IL1RAP: variants seen among roughly 807,000 people sequenced by gnomAD.
The protein encoded by IL1RAP is interleukin 1 receptor accessory protein, also known as interleukin-1 receptor accessory protein.
In IL1RAP, 35 loss-of-function variants were observed where a neutral mutation model predicts 60.7. The ratio of observed to expected loss-of-function variants is 0.58; its 90% CI spans 0.44 to 0.76. The LOEUF is 0.76. IL1RAP is among the 30% of genes least tolerant of loss of function. The pLI, the probability that IL1RAP is intolerant of heterozygous loss-of-function variation, is 0.00. For missense variants in IL1RAP, 572 were observed against 693.9 expected (o/e 0.82, Z 1.97); for synonymous variants, 268 against 250.9 (o/e 1.07, Z -0.64).
exon 12 of IL1RAP, chr3:190,657,608 A>G (rs965624280): frequency 4.6e-5 from 7 of 152,246 alleles, no homozygotes; most frequent in Non-Finnish European, 8.8e-5. Context: ...CATGCTCTCC[A>G]TCTAGAACTG....
chr3:190,529,837 A>C (rs1216168710), intron 1 of IL1RAP, among the ~76,000 whole-genome samples: 1 of 150,518 alleles, frequency 6.6e-6, no homozygotes, highest in Non-Finnish European at 1.5e-5. Flanking sequence ...CAGAGTGGGC[A>C]ACAGAGCGAG....
chr3:190,557,126 C>T (rs2108608583), intron 2 of IL1RAP, among the ~76,000 whole-genome samples: 1 of 152,300 alleles, frequency 6.6e-6, no homozygotes, highest in South Asian at 2.1e-4. Flanking sequence ...GAGCTAGTTA[C>T]AGATCTTCCT....
intron 9 of IL1RAP, among the ~76,000 whole-genome samples, chr3:190,638,573 T>C (rs73201852): frequency 0.14 from 20,561 of 152,152 alleles, 1,518 homozygotes; most frequent in African/African-American, 0.18. Context: ...ATTTGTTTTT[T>C]CGTGAAGTGT....
At chr3:190,573,626 A>G (rs903837531) in intron 3 of IL1RAP, among the ~76,000 whole-genome samples, 1 of 152,134 alleles carries the variant, frequency 6.6e-6, no homozygotes, top group Non-Finnish European at 1.5e-5. Context: ...CACCTTTATT[A>G]CTCTAAATAT....
chr3:190,515,000 T>C (rs1721386288), intron 1 of IL1RAP, among the ~76,000 whole-genome samples: 1 of 152,170 alleles, frequency 6.6e-6, no homozygotes, highest in African/African-American at 2.4e-5. Flanking sequence ...TTCGGCTGTT[T>C]CCTTTAAGAG....
intron 7 of IL1RAP, among the ~76,000 whole-genome samples, chr3:190,624,390 G>T (rs756108942): frequency 1.3e-5 from 2 of 152,324 alleles, no homozygotes; most frequent in Admixed American, 1.3e-4. Context: ...TGGCCTTTGT[G>T]CAAGATAGTG....
At chr3:190,609,353 G>A (rs1373139757) in intron 5 of IL1RAP, among the ~76,000 whole-genome samples, 172 bp downstream of exon 5, 1 of 152,138 alleles carries the variant, frequency 6.6e-6, no homozygotes, top group Non-Finnish European at 1.5e-5. Context: ...CATTTTAAAG[G>A]AAGTGGTGCA....
At chr3:190,647,694 G>A (rs1734111963) in intron 11 of IL1RAP, among the ~76,000 whole-genome samples, 1 of 152,202 alleles carries the variant, frequency 6.6e-6, no homozygotes, top group African/African-American at 2.4e-5. Flanking sequence ...AAAGCCCACC[G>A]AGGATGTGTT....
At chr3:190,551,556 A>G (rs1724867978) in intron 1 of IL1RAP, among the ~76,000 whole-genome samples, 1 of 152,194 alleles carries the variant, frequency 6.6e-6, no homozygotes, top group Non-Finnish European at 1.5e-5. Flanking sequence ...TATTCCAAGT[A>G]AAAGTTGGAA....
Position 190,589,135 on chromosome 3 carries a change from G to A in IL1RAP, c.65-14993G>A, listed in dbSNP as rs553532390. 5.3e-5 allele frequency among the ~76,000 whole-genome samples: 8 copies of A among 152,208 alleles called. No individual in the cohort carries two copies. In the South Asian group the frequency reaches 1.2e-3, roughly 24 times the overall value. ...CATGCAGTGGTTTTCTAAGATGCAC[G>A]GTGGATTATAGGGGACTTCAGTGTT... On this transcript the variant is annotated intron_variant, in intron 3 of 11. Coordinates refer to ENST00000447382, the MANE Select transcript of IL1RAP (RefSeq NM_002182.4).
intron 3 of IL1RAP, among the ~76,000 whole-genome samples, chr3:190,570,582 T>C (rs1272014527): frequency 6.7e-6 from 1 of 149,970 alleles, no homozygotes; most frequent in Non-Finnish European, 1.5e-5. Flanking sequence ...TATTTATTTT[T>C]TGAGACGGAG....
At chr3:190,611,953 T>C (rs1309832389) in intron 5 of IL1RAP, among the ~76,000 whole-genome samples, 2 of 152,182 alleles carry the variant, frequency 1.3e-5, no homozygotes, top group Non-Finnish European at 2.9e-5. Flanking sequence ...TAAAGCAAAT[T>C]ATGAAAAGAT....
At chr3:190,573,018 C>T (rs3926943) in intron 3 of IL1RAP, among the ~76,000 whole-genome samples, 65,845 of 83,960 alleles carry the variant, frequency 0.78, 29,302 homozygotes, top group East Asian at 0.99. Flanking sequence ...CGCCCGCCAC[C>T]ACGCCCGGCT....
chr3:190,519,487 T>G (rs1721825356), intron 1 of IL1RAP, among the ~76,000 whole-genome samples: 1 of 152,306 alleles, frequency 6.6e-6, no homozygotes, highest in South Asian at 2.1e-4. Context: ...TAGTAAAGAT[T>G]GGAACCTGCG....
chr3:190,636,404 TG>T (rs568718844), intron 9 of IL1RAP, among the ~76,000 whole-genome samples: 124 of 152,362 alleles, frequency 8.1e-4, no homozygotes, highest in African/African-American at 2.9e-3. Context: ...ATTTAATACA[TG>T]CTTATTTAGG....
chr3:190,526,071 A>G (rs1722484086), intron 1 of IL1RAP, among the ~76,000 whole-genome samples: 1 of 152,260 alleles, frequency 6.6e-6, no homozygotes, highest in African/African-American at 2.4e-5. Flanking sequence ...AGTAGCTTAC[A>G]GGTCATCTCT....
intron 1 of IL1RAP, among the ~76,000 whole-genome samples, chr3:190,514,680 T>C (rs1721348911): frequency 6.6e-6 from 1 of 152,152 alleles, no homozygotes; most frequent in Non-Finnish European, 1.5e-5. Context: ...CCTGGGAAAA[T>C]GCTGCTTGCA....
chr3:190,551,282 C>G (rs970873476), intron 1 of IL1RAP, among the ~76,000 whole-genome samples: 2 of 152,198 alleles, frequency 1.3e-5, no homozygotes, highest in Non-Finnish European at 1.5e-5. Context: ...ATTCTTCAGT[C>G]AAACCCTTGG....
rs763329738 is a variant in IL1RAP, at chr3:190,549,559, A to T, written c.-88-6571A>T. The stretch of plus-strand genomic sequence containing the variant: ...GAGACAGACTGGGTTATTAGAAAAC[A>T]TGTATTTAAATGAAACAAGTCGGGG... On this transcript the variant is annotated intron_variant, in intron 1 of 11. Transcript: ENST00000447382. 2.0e-5 allele frequency among the ~76,000 whole-genome samples: 3 copies of T among 152,202 alleles called. No homozygotes were observed. The South Asian group carries it at 6.2e-4, about 31-fold the overall frequency.
Sources: gnomAD v4.1 joint callset for allele counts (sites outside exome capture counted in the v4.1 genomes callset) on GRCh38, gnomAD v4.1.1 for gene constraint, MANE v1.5 for transcripts, NCBI Gene and HGNC (gene_info 2026-07-23, HGNC 2026-07-21) for gene names.